Variants in SYT7 observed in about 807,000 individuals in gnomAD.
The protein encoded by SYT7 is synaptotagmin 7.
A neutral mutation model predicts 75.1 loss-of-function variants in SYT7; 29 were observed. That is an observed-to-expected ratio of 0.39 (90% CI 0.29 to 0.53). SYT7 has a LOEUF of 0.53. SYT7 is among the 20% of genes least tolerant of loss of function. The probability of loss-of-function intolerance (pLI) is 0.77; values close to 1 mark genes in which losing one functional copy is unlikely to be tolerated. For synonymous variants in SYT7, 376 were observed against 401.7 expected (o/e 0.94, Z 0.76); for missense variants, 693 against 953.2 (o/e 0.73, Z 3.59).
In SYT7 at chr11:61,542,688, G is replaced by A. The variant is rs976958582; in HGVS notation, c.573-109C>T. ...TAGGAGGCCCCAGTGCAGGGTGCGC[G>A]CTGCCGGACCTCGCCAGGCCTCCAT... On this transcript the variant is annotated intron_variant, in intron 5 of 12. Transcript: ENST00000539008. The surrounding 1 kb of genome is among the most constrained non-coding windows in gnomAD (Gnocchi z 7.8). 5.5e-5 allele frequency: 76 copies of A among 1,390,718 alleles called. No homozygotes were observed. The highest frequency in any genetic ancestry group is 8.6e-5 in the East Asian group (3 of 34,970). The allele number at this position is 1,390,718 out of a possible 1,614,324, so 86.1% of individuals were successfully genotyped here.
Position 61,517,849 on chromosome 11 carries a change from G to C in SYT7, c.*778C>G. 3.1e-4 allele frequency: 57 copies of C among 186,572 alleles called. No individual in the cohort carries two copies. Among genetic ancestry groups the C allele is most frequent in the Middle Eastern group, 2.2e-3 (1 of 464 alleles). The allele number at this position is 186,572 out of a possible 1,614,324, so 11.6% of individuals were successfully genotyped here. A position where few individuals can be genotyped will look rare whatever the true frequency, so the allele number is the denominator to read the frequency against. Reference sequence around the variant, plus strand: ...GGGGGCACCAAGGGGAGAAGGGGAGGAGACGGGGGGATGGCAGGAGGCAGC... The same window carrying C: ...GGGGGCACCAAGGGGAGAAGGGGAGCAGACGGGGGGATGGCAGGAGGCAGC... On this transcript the variant is annotated 3_prime_UTR_variant, in exon 13 of 13. Transcript: ENST00000539008.
At chr11:61,550,748 G>C (rs2063324444) in intron 3 of SYT7, among the ~76,000 whole-genome samples, 1 of 152,174 alleles carries the variant, frequency 6.6e-6, no homozygotes, top group South Asian at 2.1e-4. Flanking sequence ...TCAGCAGAGG[G>C]CTGGCCAAGG....
chr11:61,557,568 G>A (rs1009311298), intron 1 of SYT7, among the ~76,000 whole-genome samples: 1 of 152,144 alleles, frequency 6.6e-6, no homozygotes, highest in Non-Finnish European at 1.5e-5. Flanking sequence ...ACCCTCTTTG[G>A]GCCCCACCTC....
chr11:61,532,186 T>A (rs1274893742), intron 8 of SYT7, among the ~76,000 whole-genome samples: 1 of 152,164 alleles, frequency 6.6e-6, no homozygotes, highest in Non-Finnish European at 1.5e-5. Flanking sequence ...GTGTCCCAGG[T>A]CAAGTCCAGT....
chr11:61,534,402 T>TGCAC (rs1361307757), intron 7 of SYT7, among the ~76,000 whole-genome samples: 1 of 144,096 alleles, frequency 6.9e-6, no homozygotes, highest in African/African-American at 2.9e-5. Context: ...CACACACATG[T>TGCAC]ACACACGCAC....
At chr11:61,550,649 C>A (rs974820618) in intron 3 of SYT7, among the ~76,000 whole-genome samples, 5 of 152,096 alleles carry the variant, frequency 3.3e-5, no homozygotes, top group African/African-American at 7.2e-5. Flanking sequence ...AGGCCTCCCC[C>A]CCAGCAAAAG....
chr11:61,522,339 G>A (rs985156046), intron 12 of SYT7, among the ~76,000 whole-genome samples: 4 of 151,842 alleles, frequency 2.6e-5, no homozygotes, highest in Non-Finnish European at 5.9e-5. Flanking sequence ...ACAGGCACCC[G>A]CCACCATGCC....
chr11:61,557,804 C>A (rs1220602068), intron 1 of SYT7, among the ~76,000 whole-genome samples: 1 of 152,244 alleles, frequency 6.6e-6, no homozygotes, highest in Non-Finnish European at 1.5e-5. Flanking sequence ...CCTCCCTCTC[C>A]TGGGCTGAGG....
intron 2 of SYT7, 76 bp downstream of exon 2, chr11:61,556,028 T>TTGTG (rs754283505): frequency 7.8e-6 from 10 of 1,276,416 alleles, no homozygotes; most frequent in Middle Eastern, 1.9e-4. Flanking sequence ...AAGCCTGTAA[T>TTGTG]TGTGTGTGTG....
chr11:61,556,777 A>G (rs2135351506), intron 1 of SYT7, among the ~76,000 whole-genome samples: 1 of 152,298 alleles, frequency 6.6e-6, no homozygotes, highest in Admixed American at 6.5e-5. Flanking sequence ...TGTGTAGTCA[A>G]AGGAATCTCT....
chr11:61,538,371 GA>G, intron 6 of SYT7, 105 bp from the exon 7 acceptor site: 1 of 883,024 alleles, frequency 1.1e-6, no homozygotes, highest in Non-Finnish European at 1.7e-6. Context: ...GAGAGAGAGA[GA>G]GAGAGAGAGA....
At chr11:61,536,649 A>G (rs1161355590) in intron 7 of SYT7, among the ~76,000 whole-genome samples, 2 of 152,182 alleles carry the variant, frequency 1.3e-5, no homozygotes, top group Non-Finnish European at 2.9e-5. Flanking sequence ...CCACTCAGTG[A>G]AAGACCTGAC....
intron 7 of SYT7, 72 bp downstream of exon 7, chr11:61,538,072 G>C (rs977579103): frequency 6.6e-7 from 1 of 1,521,246 alleles, no homozygotes; most frequent in African/African-American, 1.4e-5. Context: ...AGCCGGGGCC[G>C]GTCGAGGCAG....
chr11:61,581,095 G>T, upstream of SYT7: 1 of 280,958 alleles, frequency 3.6e-6, no homozygotes, highest in Non-Finnish European at 5.3e-6. Flanking sequence ...GCGTGTGTGT[G>T]TGTACGAGGC....
chr11:61,514,150 G>C lies in SYT7; in HGVS notation c.*4477C>G, dbSNP rs535959357. On this transcript the variant is annotated 3_prime_UTR_variant, in exon 13 of 13. Transcript: ENST00000539008. ...AGGCAAAAAGTCCAGGGAAGGGCCCGAGCCAGTGGCAAGGGACTGCCCCCT... is the reference window on the plus strand; with the variant it reads ...AGGCAAAAAGTCCAGGGAAGGGCCCCAGCCAGTGGCAAGGGACTGCCCCCT... Among the ~76,000 whole-genome samples the C allele has an allele frequency of 1.3e-5, 2 of 152,206 alleles. No homozygotes were observed. Among genetic ancestry groups the C allele is most frequent in the Admixed American group, 1.3e-4 (2 of 15,282 alleles).
intron 1 of SYT7, among the ~76,000 whole-genome samples, chr11:61,558,402 G>A (rs538228424): frequency 3.3e-5 from 5 of 151,992 alleles, no homozygotes; most frequent in Non-Finnish European, 5.9e-5. Context: ...GGAGGGGGGC[G>A]GAGGTTTTAG....
rs1454104364 is a variant in SYT7, at chr11:61,516,303, G to C, written c.*2324C>G. 2.0e-5 allele frequency: 3 copies of C among 152,242 alleles called. No homozygotes were observed. Among genetic ancestry groups the C allele is most frequent in the Non-Finnish European group, 4.4e-5 (3 of 68,072 alleles). The allele number at this position is 152,242 out of a possible 1,614,324, so 9.4% of individuals were successfully genotyped here. ...TGGGGCGCTGGGGAAGCCCAAGCCT[G>C]GTCGCTAATGTGCCTGGGTGGGGTC... On this transcript the variant is annotated 3_prime_UTR_variant, in exon 13 of 13. Coordinates refer to ENST00000539008, the MANE Select transcript of SYT7 (RefSeq NM_001365809.2). The surrounding 1 kb of genome is among the most constrained non-coding windows in gnomAD (Gnocchi z 4.6).
chr11:61,577,709 G>A lies in SYT7; in HGVS notation c.31+3081C>T, dbSNP rs148188806. ...TAGTGGAGTGTCTGTAGGGAACAGA[G>A]CCCACTAACAGGTGGGACAAAAGAA... On this transcript the variant is annotated intron_variant, in intron 1 of 12. Coordinates refer to ENST00000539008, the MANE Select transcript of SYT7 (RefSeq NM_001365809.2). Among the ~76,000 whole-genome samples, 351 of 152,312 alleles carry A rather than the reference G, an allele frequency of 2.3e-3. 2 individuals are homozygous for A. Among genetic ancestry groups the A allele is most frequent in the African/African-American group, 7.8e-3 (326 of 41,552 alleles).
intron 1 of SYT7, among the ~76,000 whole-genome samples, chr11:61,563,017 T>C (rs1446071434): frequency 6.6e-6 from 1 of 152,020 alleles, no homozygotes; most frequent in Non-Finnish European, 1.5e-5. Flanking sequence ...AGTGGGCACA[T>C]GCACACAGGC....
Sources: allele counts gnomAD v4.1 joint callset (sites outside exome capture counted in the v4.1 genomes callset), GRCh38; gene constraint gnomAD v4.1.1; non-coding constraint Gnocchi (gnomAD v3.1); transcripts MANE v1.5; gene names NCBI Gene and HGNC (gene_info 2026-07-23, HGNC 2026-07-21).